The following BCL2L13 variants were observed in gnomAD, a reference collection of about 807,000 sequenced individuals.
BCL2L13 encodes the protein bcl-2-like protein 13.
Under a neutral mutation model 25.8 loss-of-function variants are expected in BCL2L13, and 13 were observed. The ratio of observed to expected loss-of-function variants is 0.50; its 90% CI spans 0.33 to 0.80. BCL2L13 has a LOEUF of 0.80. Ranked by LOEUF, BCL2L13 falls within the 30% of genes least tolerant of loss-of-function variation. The pLI, the probability that BCL2L13 is intolerant of heterozygous loss-of-function variation, is 0.02. For synonymous variants in BCL2L13, 244 were observed against 230.3 expected (o/e 1.06, Z -0.54); for missense variants, 504 against 574.9 (o/e 0.88, Z 1.26).
upstream of BCL2L13, among the ~76,000 whole-genome samples, chr22:17,637,051 T>A (rs1601440581): frequency 6.6e-6 from 1 of 152,104 alleles, no homozygotes; most frequent in South Asian, 2.1e-4. Flanking sequence ...GGCAGGCGGA[T>A]CTCTTGAGGT....
intron 1 of BCL2L13, among the ~76,000 whole-genome samples, chr22:17,644,019 T>C (rs2058384882): frequency 6.6e-6 from 1 of 151,206 alleles, no homozygotes; most frequent in Non-Finnish European, 1.5e-5. Flanking sequence ...AGCCTGATTC[T>C]CCTGGCTCAG....
intron 6 of BCL2L13, among the ~76,000 whole-genome samples, chr22:17,715,166 A>T (rs1201699242): frequency 0.032 from 180 of 5,650 alleles, 16 homozygotes; most frequent in South Asian, 0.21. Context: ...ATATATATAT[A>T]TATATTTTTT....
At chr22:17,668,881 A>G (rs184657719) in intron 2 of BCL2L13, among the ~76,000 whole-genome samples, 5 of 152,302 alleles carry the variant, frequency 3.3e-5, no homozygotes, top group Admixed American at 2.0e-4. Flanking sequence ...TTAGCTCCCA[A>G]TGTGGCAGTA....
chr22:17,667,557 G>A (rs1416183326), intron 2 of BCL2L13, among the ~76,000 whole-genome samples: 1 of 151,800 alleles, frequency 6.6e-6, no homozygotes, highest in Non-Finnish European at 1.5e-5. Context: ...TGCCCAGGCT[G>A]GAATATAGTG....
rs1204354620 is a variant in BCL2L13 at position 17,689,049 on chromosome 22, G to A, written c.293G>A (p.Ser98Asn). 1 of 1,614,042 alleles carries A rather than the reference G, an allele frequency of 6.2e-7. No homozygotes were observed. ...SPVFSPANPE[S>N]SMEDCLAHLG... ...GTGTTCAGCCCTGCCAATCCAGAAAGCTCAATGGAAGACTGCTTGGCCCAT... is the reference window on the plus strand; with the variant it reads ...GTGTTCAGCCCTGCCAATCCAGAAAACTCAATGGAAGACTGCTTGGCCCAT... The change falls in exon 4 of 7, where the codon AGC (serine) becomes AAC (asparagine). Residue 98 changes from serine (S) to asparagine (N), a missense_variant. Physicochemically the swap from Ser to Asn is conservative, Grantham distance 46. Coordinates refer to ENST00000317582, the MANE Select transcript of BCL2L13 (RefSeq NM_015367.4).
chr22:17,650,923 C>T (rs1184011220), intron 1 of BCL2L13, among the ~76,000 whole-genome samples: 1 of 150,912 alleles, frequency 6.6e-6, no homozygotes, highest in Non-Finnish European at 1.5e-5. Context: ...AAGCAGTCCT[C>T]TTGCCTCTGC....
chr22:17,722,417 G>A (rs184579996), intron 6 of BCL2L13, among the ~76,000 whole-genome samples: 22 of 146,140 alleles, frequency 1.5e-4, no homozygotes, highest in African/African-American at 4.7e-4. Context: ...GTGTGTGTGT[G>A]TGTATGTAGA....
intron 6 of BCL2L13, chr22:17,703,296 T>G (rs1238136392): frequency 2.6e-5 from 4 of 152,242 alleles, no homozygotes; most frequent in Non-Finnish European, 5.9e-5. Context: ...ATTTAATCAG[T>G]CTTAATAATA....
Position 17,727,946 on chromosome 22 carries a change from A to G in BCL2L13, c.*412A>G, listed in dbSNP as rs922891354. 2.9e-5 allele frequency: 6 copies of G among 206,996 alleles called. No individual in the cohort carries two copies. The highest frequency in any genetic ancestry group is 1.3e-4 in the African/African-American group (6 of 44,502). The allele number at this position is 206,996 out of a possible 1,614,324, so 12.8% of individuals were successfully genotyped here. A position where few individuals can be genotyped will look rare whatever the true frequency, so the allele number is the denominator to read the frequency against. ...ACATTGCCAAATGTCCCGTGTGAAC[A>G]TCCCCTATTGAGACCCACTGCTTTA... On this transcript the variant is annotated 3_prime_UTR_variant, in exon 7 of 7. Coordinates refer to ENST00000317582, the MANE Select transcript of BCL2L13 (RefSeq NM_015367.4).
At chr22:17,716,202 T>C (rs573796334) in intron 6 of BCL2L13, among the ~76,000 whole-genome samples, 1 of 152,120 alleles carries the variant, frequency 6.6e-6, no homozygotes, top group Admixed American at 6.5e-5. Context: ...TTAAGTACAG[T>C]GGAACTTAAG....
At chr22:17,634,139 C>T (rs1388216356), upstream of BCL2L13, among the ~76,000 whole-genome samples, 1 of 152,104 alleles carries the variant, frequency 6.6e-6, no homozygotes, top group East Asian at 1.9e-4. Flanking sequence ...CTTCTCTATT[C>T]CAGTCCCTTG....
intron 1 of BCL2L13, among the ~76,000 whole-genome samples, chr22:17,647,294 G>A (rs1480699916): frequency 1.3e-5 from 2 of 151,786 alleles, no homozygotes; most frequent in Admixed American, 1.3e-4. Flanking sequence ...ATTTTTAGTG[G>A]AGACGGGGTT....
At chr22:17,652,264 C>T (rs2058712515) in intron 1 of BCL2L13, among the ~76,000 whole-genome samples, 1 of 151,868 alleles carries the variant, frequency 6.6e-6, no homozygotes, top group Non-Finnish European at 1.5e-5. Context: ...TCTCAAACTC[C>T]TAAGCTCAAG....
chr22:17,692,639 G>A (rs1164644927), intron 4 of BCL2L13, among the ~76,000 whole-genome samples: 1 of 152,134 alleles, frequency 6.6e-6, no homozygotes, highest in Admixed American at 6.5e-5. Context: ...CATTACAGAG[G>A]CCATCTCTGG....
intron 5 of BCL2L13, among the ~76,000 whole-genome samples, chr22:17,698,555 TTAAAAAA>T (rs1278703302): frequency 3.1e-5 from 3 of 97,778 alleles, no homozygotes; most frequent in African/African-American, 1.5e-4. Context: ...ACCCTGTCTC[TTAAAAAA>T]AAAAAAAAAA....
At chr22:17,636,411 G>A (rs140401156), upstream of BCL2L13, among the ~76,000 whole-genome samples, 9 of 151,932 alleles carry the variant, frequency 5.9e-5, no homozygotes, top group East Asian at 1.7e-3. Context: ...GAACAATTGT[G>A]AGCCCAGGAG....
upstream of BCL2L13, among the ~76,000 whole-genome samples, chr22:17,634,960 GAAAA>G (rs60698908): frequency 9.8e-6 from 1 of 101,970 alleles, no homozygotes; most frequent in Non-Finnish European, 2.1e-5. Flanking sequence ...GTCTCAAAAG[GAAAA>G]AAAAAAAAAA....
Position 17,683,340 on chromosome 22 carries a change from T to G in BCL2L13, c.229+19T>G. On this transcript the variant is annotated intron_variant, in intron 3 of 6. Coordinates refer to ENST00000317582, the MANE Select transcript of BCL2L13 (RefSeq NM_015367.4). ...TCTGAAGGTCTGTTTATTCTTATTT[T>G]TCTAGTTAATAAGCAGATTGTGTTT... 1.5e-6 allele frequency: 2 copies of G among 1,362,758 alleles called. No homozygotes were observed. Among genetic ancestry groups the G allele is most frequent in the African/African-American group, 1.5e-5 (1 of 68,054 alleles). The allele number at this position is 1,362,758 out of a possible 1,614,324, so 84.4% of individuals were successfully genotyped here.
rs774374858 is a variant in BCL2L13 at position 17,727,247 on chromosome 22, G to A, written c.1171G>A (p.Glu391Lys). Residue 391 changes from glutamate to lysine, a missense_variant, in exon 7 of 7, where the codon GAA (glutamate) becomes AAA (lysine). Physicochemically the swap from Glu to Lys is moderately conservative, Grantham distance 56. Transcript: ENST00000317582. ...DEEEVKAATT[E>K]PTEVEEVVPA... ...AGAAGAGGTGAAAGCAGCAACAACT[G>A]AACCTACTGAAGTGGAGGAGGTGGT... 3 of 1,614,250 alleles carry A rather than the reference G, an allele frequency of 1.9e-6. No homozygotes were observed. The highest frequency in any genetic ancestry group is 3.3e-5 in the Admixed American group (2 of 60,030).
Sources: gnomAD v4.1 joint callset for allele counts (sites outside exome capture counted in the v4.1 genomes callset) on GRCh38, gnomAD v4.1.1 for gene constraint, MANE v1.5 for transcripts, NCBI Gene and HGNC (gene_info 2026-07-23, HGNC 2026-07-21) for gene names.